GLCE: variants seen among roughly 807,000 people sequenced by gnomAD.
The protein encoded by GLCE is D-glucuronyl C5-epimerase.
A neutral mutation model predicts 47.9 loss-of-function variants in GLCE; 19 were observed. The ratio of observed to expected loss-of-function variants is 0.40; its 90% CI spans 0.28 to 0.58. The LOEUF (loss-of-function observed/expected upper bound fraction) is 0.58. Ranked by LOEUF, GLCE falls within the 20% of genes least tolerant of loss-of-function variation. The pLI is 0.48. For synonymous variants in GLCE, 245 were observed against 263.4 expected (o/e 0.93, Z 0.68); for missense variants, 556 against 743.3 (o/e 0.75, Z 2.93).
At chr15:69,261,756 A>T (rs947922885) in intron 4 of GLCE, among the ~76,000 whole-genome samples, 1 of 152,152 alleles carries the variant, frequency 6.6e-6, no homozygotes, top group Non-Finnish European at 1.5e-5. Context: ...TTTTTTCAGG[A>T]TAATAGAGCA....
rs189933123 is a variant in GLCE at position 69,221,388 on chromosome 15, G to A, written c.-14+10982G>A. Among the ~76,000 whole-genome samples the A allele has an allele frequency of 5.8e-4, 88 of 152,176 alleles. 1 individual carries two copies. Among genetic ancestry groups the A allele is most frequent in the Admixed American group, 3.7e-3 (56 of 15,294 alleles). Reference sequence around the variant, plus strand: ...CTTCCAATCCATGAACATGCGATATGTTTCTATTTATGTCTTCTTTAATTT... The same window carrying A: ...CTTCCAATCCATGAACATGCGATATATTTCTATTTATGTCTTCTTTAATTT... On this transcript the variant is annotated intron_variant, in intron 2 of 4. Coordinates refer to ENST00000261858, the MANE Select transcript of GLCE (RefSeq NM_015554.3).
intron 1 of GLCE, among the ~76,000 whole-genome samples, chr15:69,184,205 G>A (rs12438916): frequency 0.68 from 102,909 of 151,988 alleles, 35,620 homozygotes; most frequent in Admixed American, 0.75. Flanking sequence ...ATGGCTTAAT[G>A]CTGATCCTGA....
At chr15:69,255,737 C>A in intron 2 of GLCE, 57 bp from the exon 3 acceptor site, 1 of 948,558 alleles carries the variant, frequency 1.1e-6, no homozygotes, top group Non-Finnish European at 1.6e-6. Flanking sequence ...AAAACTTTAT[C>A]CTATGAAATG....
chr15:69,170,394 T>C (rs2140328433), intron 1 of GLCE, among the ~76,000 whole-genome samples: 1 of 152,288 alleles, frequency 6.6e-6, no homozygotes, highest in East Asian at 1.9e-4. Flanking sequence ...TGAATAGTTA[T>C]TAGAAAAACA....
intron 2 of GLCE, among the ~76,000 whole-genome samples, chr15:69,223,933 A>G (rs1017775149): frequency 6.6e-6 from 1 of 152,172 alleles, no homozygotes; most frequent in African/African-American, 2.4e-5. Flanking sequence ...CTGTAGCTCT[A>G]CTGATACTTA....
chr15:69,243,270 T>C (rs2052701355), intron 2 of GLCE, among the ~76,000 whole-genome samples: 1 of 152,080 alleles, frequency 6.6e-6, no homozygotes. Context: ...TCCTTATGAG[T>C]AAAGTGCAAT....
chr15:69,237,597 C>T (rs926303126), intron 2 of GLCE, among the ~76,000 whole-genome samples: 6 of 150,714 alleles, frequency 4.0e-5, no homozygotes, highest in South Asian at 2.1e-4. Flanking sequence ...ACTCTGTCTC[C>T]AAAAAAATTA....
rs533435380 is a variant in GLCE, at chr15:69,233,245, A to G, written c.-13-22549A>G. ...GATTTAGGTGTAAAGTATGTGAAAAACATGTAAAAGATTCCATAAAGCCCC... is the reference window on the plus strand; with the variant it reads ...GATTTAGGTGTAAAGTATGTGAAAAGCATGTAAAAGATTCCATAAAGCCCC... On this transcript the variant is annotated intron_variant, in intron 2 of 4. Coordinates refer to ENST00000261858, the MANE Select transcript of GLCE (RefSeq NM_015554.3). Among the ~76,000 whole-genome samples, 97 of 152,262 alleles carry G rather than the reference A, an allele frequency of 6.4e-4. 1 individual carries two copies. Among genetic ancestry groups the G allele is most frequent in the Admixed American group, 3.3e-4 (5 of 15,300 alleles).
chr15:69,176,663 G>T (rs772315797), intron 1 of GLCE, among the ~76,000 whole-genome samples: 1 of 152,146 alleles, frequency 6.6e-6, no homozygotes, highest in Non-Finnish European at 1.5e-5. Flanking sequence ...GACATTCAGG[G>T]TAGGCTCTTA....
chr15:69,253,125 C>T (rs1481006235), intron 2 of GLCE, among the ~76,000 whole-genome samples: 2 of 152,148 alleles, frequency 1.3e-5, no homozygotes, highest in Non-Finnish European at 2.9e-5. Context: ...CAACTATACC[C>T]TCTTCTCCCC....
At chr15:69,192,113 A>G (rs1309873322) in intron 1 of GLCE, among the ~76,000 whole-genome samples, 4 of 152,082 alleles carry the variant, frequency 2.6e-5, no homozygotes, top group Admixed American at 6.6e-5. Context: ...TTTTCAACAA[A>G]GTGGAAATTT....
chr15:69,164,346 G>C (rs1184050946), intron 1 of GLCE, among the ~76,000 whole-genome samples: 1 of 151,780 alleles, frequency 6.6e-6, no homozygotes, highest in Non-Finnish European at 1.5e-5. Flanking sequence ...GAAATCATAA[G>C]ACATGAATTC....
At chr15:69,171,586 C>CG (rs1454347183) in intron 1 of GLCE, among the ~76,000 whole-genome samples, 2 of 151,712 alleles carry the variant, frequency 1.3e-5, no homozygotes, top group Non-Finnish European at 2.9e-5. Context: ...TTAGTAGAGA[C>CG]GGGGTTTCAT....
Position 69,261,111 on chromosome 15 carries a change from G to C in GLCE, c.611G>C (p.Gly204Ala). The C allele has an allele frequency of 7.4e-6, 12 of 1,612,592 alleles. No individual in the cohort carries two copies. Among genetic ancestry groups the C allele is most frequent in the Non-Finnish European group, 9.3e-6 (11 of 1,178,680 alleles). Residue 204 changes from glycine (G) to alanine (A), a missense_variant, in exon 4 of 5, where the codon GGA becomes GCA. By Grantham distance (60) the Gly-to-Ala change is moderately conservative. Transcript: ENST00000261858. The stretch of plus-strand genomic sequence containing the variant: ...GGTGTGCCATTATCTACACAATGGG[G>C]ACCTCAAGGCTATTTCTATCCAATC... ...VEGVPLSTQW[G>A]PQGYFYPIQI...
intron 2 of GLCE, among the ~76,000 whole-genome samples, chr15:69,221,754 T>C (rs2052380190): frequency 6.6e-6 from 1 of 151,316 alleles, no homozygotes; most frequent in Non-Finnish European, 1.5e-5. Flanking sequence ...TCCCAGCTAC[T>C]TGGGAGGCTG....
intron 2 of GLCE, among the ~76,000 whole-genome samples, chr15:69,245,925 C>T (rs1238044167): frequency 6.6e-6 from 1 of 152,104 alleles, no homozygotes; most frequent in African/African-American, 2.4e-5. Flanking sequence ...GACAGGGTTT[C>T]ACCACGTTGG....
At chr15:69,201,726 A>G (rs1391662833) in intron 1 of GLCE, among the ~76,000 whole-genome samples, 1 of 151,218 alleles carries the variant, frequency 6.6e-6, no homozygotes, top group African/African-American at 2.4e-5. Flanking sequence ...TTTCTGCTTC[A>G]AAAGCAGTGA....
rs117118853 is a variant in GLCE, at chr15:69,223,254, T to G, written c.-14+12848T>G. 2.0e-5 allele frequency among the ~76,000 whole-genome samples: 3 copies of G among 152,352 alleles called. No homozygotes were observed. The East Asian group carries it at 5.8e-4, about 29-fold the overall frequency. On this transcript the variant is annotated intron_variant, in intron 2 of 4. Coordinates refer to ENST00000261858, the MANE Select transcript of GLCE (RefSeq NM_015554.3). Reference sequence around the variant, plus strand: ...GCAGGGCAGGTCTAGTGGTAATGAATTCCTTCAGCTTTTATTTATCTAGGA... The same window carrying G: ...GCAGGGCAGGTCTAGTGGTAATGAAGTCCTTCAGCTTTTATTTATCTAGGA...
rs117470733 is a variant in GLCE at position 69,208,633 on chromosome 15, G to A, written c.-104-1683G>A. On this transcript the variant is annotated intron_variant, in intron 1 of 4. Coordinates refer to ENST00000261858, the MANE Select transcript of GLCE (RefSeq NM_015554.3). The stretch of plus-strand genomic sequence containing the variant: ...TCTTTTGCCTTTCCATAATAATCTT[G>A]GCATCAGCTTGTCTATAACTACAAA... 5.8e-3 allele frequency among the ~76,000 whole-genome samples: 881 copies of A among 152,002 alleles called. 5 individuals carry two copies. Among genetic ancestry groups the A allele is most frequent in the Non-Finnish European group, 9.9e-3 (671 of 67,936 alleles).
Sources: gnomAD v4.1 joint callset for allele counts (sites outside exome capture counted in the v4.1 genomes callset) on GRCh38, gnomAD v4.1.1 for gene constraint, MANE v1.5 for transcripts, NCBI Gene and HGNC (gene_info 2026-07-23, HGNC 2026-07-21) for gene names.